GASK1A: variants seen among roughly 807,000 people sequenced by gnomAD.
GASK1A encodes Golgi-associated kinase 1A.
Under a neutral mutation model 41.2 loss-of-function variants are expected in GASK1A, and 40 were observed. The ratio of observed to expected loss-of-function variants is 0.97; its 90% CI spans 0.75 to 1.27. The LOEUF is 1.27. Ranked by LOEUF, GASK1A falls within the 50% of genes most tolerant of loss-of-function variation. GASK1A has a pLI of 0.00. For synonymous variants in GASK1A, 316 were observed against 307.1 expected (o/e 1.03, Z -0.30); for missense variants, 678 against 745.1 (o/e 0.91, Z 1.05).
chr3:43,000,864 T>G (rs2089405243), intron 1 of GASK1A, among the ~76,000 whole-genome samples: 1 of 152,214 alleles, frequency 6.6e-6, no homozygotes, highest in African/African-American at 2.4e-5. Flanking sequence ...TAATTTCTGT[T>G]GCTTGCTAGT....
chr3:43,038,686 G>T (rs1182349761), intron 2 of GASK1A, among the ~76,000 whole-genome samples: 1 of 152,088 alleles, frequency 6.6e-6, no homozygotes, highest in South Asian at 2.1e-4. Context: ...GTAGAAGCAG[G>T]TATACTTCTA....
At chr3:43,050,056 C>A (rs1462184842) in intron 2 of GASK1A, among the ~76,000 whole-genome samples, 8 of 148,378 alleles carry the variant, frequency 5.4e-5, no homozygotes, top group Non-Finnish European at 4.5e-5. Flanking sequence ...AAGTCCAGAA[C>A]AAAAAAAAAT....
chr3:42,992,630 G>T (rs551862470), intron 1 of GASK1A, among the ~76,000 whole-genome samples: 1 of 152,292 alleles, frequency 6.6e-6, no homozygotes, highest in Admixed American at 6.5e-5. Flanking sequence ...CCAAAGAGGG[G>T]CTGCCTTTGC....
At chr3:42,979,803 C>T (rs1453619670) in intron 1 of GASK1A, among the ~76,000 whole-genome samples, 158 bp downstream of exon 1, 1 of 152,182 alleles carries the variant, frequency 6.6e-6, no homozygotes, top group African/African-American at 2.4e-5. Flanking sequence ...CGGCGGCTTT[C>T]ATTTCTGCAC....
intron 4 of GASK1A, 87 bp downstream of exon 4, chr3:43,055,622 T>G (rs2089712385): frequency 1.1e-6 from 1 of 914,730 alleles, no homozygotes. Context: ...ACTGTGGCCC[T>G]GAGAAGCCCA....
At chr3:42,987,582 T>G (rs2089318528) in intron 1 of GASK1A, among the ~76,000 whole-genome samples, 1 of 126,252 alleles carries the variant, frequency 7.9e-6, no homozygotes, top group South Asian at 3.2e-4. Context: ...CTAATCATTT[T>G]AATTCTATAA....
chr3:43,021,815 C>A (rs969626925), intron 1 of GASK1A, among the ~76,000 whole-genome samples: 1 of 152,208 alleles, frequency 6.6e-6, no homozygotes, highest in African/African-American at 2.4e-5. Context: ...TAGCTACCCC[C>A]CTGTTTTCAC....
At chr3:43,044,667 G>A (rs1240599996) in intron 2 of GASK1A, among the ~76,000 whole-genome samples, 1 of 152,048 alleles carries the variant, frequency 6.6e-6, no homozygotes, top group African/African-American at 2.4e-5. Context: ...ACTAAACCGT[G>A]GCCCACAATG....
chr3:43,013,148 CAGGA>C (rs1217795433), intron 1 of GASK1A, among the ~76,000 whole-genome samples: 2 of 148,542 alleles, frequency 1.3e-5, no homozygotes, highest in Non-Finnish European at 3.0e-5. Flanking sequence ...TGTGAAGTCA[CAGGA>C]AGGGGCAGTA....
In GASK1A at chr3:42,979,487, T is replaced by G; in HGVS notation, c.-156T>G. ...CAGGGCCACTTGGCTGCAGAGAACG[T>G]GTGCACCTTCAGTCCGGGAAACCCG... is the stretch of plus-strand genomic sequence containing the variant. On this transcript the variant is annotated 5_prime_UTR_variant, in exon 1 of 5. Transcript: ENST00000430121. 1.4e-6 allele frequency: 1 copy of G among 723,640 alleles called. No individual in the cohort carries two copies. Among genetic ancestry groups the G allele is most frequent in the Non-Finnish European group, 1.9e-6 (1 of 523,512 alleles). 44.8% of individuals were successfully genotyped at this position (723,640 alleles called of 1,614,324 possible).
At chr3:43,026,144 G>C (rs1040206007) in intron 1 of GASK1A, among the ~76,000 whole-genome samples, 1 of 152,172 alleles carries the variant, frequency 6.6e-6, no homozygotes, top group Non-Finnish European at 1.5e-5. Flanking sequence ...TGGGATGGGG[G>C]CAAGTTTAGT....
chr3:42,989,205 C>T (rs542080502), intron 1 of GASK1A, among the ~76,000 whole-genome samples: 59 of 151,872 alleles, frequency 3.9e-4, no homozygotes, highest in Non-Finnish European at 6.9e-4. Flanking sequence ...GGGGAAACGT[C>T]GATAGGGGGA....
chr3:43,055,631 C>T, intron 4 of GASK1A, 96 bp downstream of exon 4: 1 of 831,394 alleles, frequency 1.2e-6, no homozygotes, highest in East Asian at 2.7e-5. Context: ...CTGAGAAGCC[C>T]ACAGTCCATC....
chr3:43,033,710 T>C (rs2089591838), intron 2 of GASK1A, among the ~76,000 whole-genome samples, 157 bp downstream of exon 2: 1 of 152,142 alleles, frequency 6.6e-6, no homozygotes, highest in Non-Finnish European at 1.5e-5. Flanking sequence ...CCTGCCTCTG[T>C]TTATTTATCC....
chr3:43,004,221 G>A (rs1381496047), intron 1 of GASK1A, among the ~76,000 whole-genome samples: 1 of 152,134 alleles, frequency 6.6e-6, no homozygotes, highest in East Asian at 1.9e-4. Flanking sequence ...AGAGATGTCT[G>A]GGTCAGGCCA....
intron 1 of GASK1A, among the ~76,000 whole-genome samples, chr3:42,985,471 G>A (rs2089303407): frequency 6.6e-6 from 1 of 151,846 alleles, no homozygotes; most frequent in South Asian, 2.1e-4. Context: ...ATTGTGTAGG[G>A]CAGAAAATAG....
chr3:42,989,446 T>A (rs1414894687), intron 1 of GASK1A, among the ~76,000 whole-genome samples: 1 of 152,198 alleles, frequency 6.6e-6, no homozygotes, highest in Non-Finnish European at 1.5e-5. Flanking sequence ...AACTTGTTCT[T>A]TTGAATATTG....
chr3:43,022,452 G>A (rs2089527030), intron 1 of GASK1A, among the ~76,000 whole-genome samples: 1 of 150,116 alleles, frequency 6.7e-6, no homozygotes, highest in African/African-American at 2.5e-5. Context: ...AATACTTTGA[G>A]AATACATATT....
chr3:43,023,384 T>C (rs1304008394), intron 1 of GASK1A, among the ~76,000 whole-genome samples: 10 of 152,210 alleles, frequency 6.6e-5, no homozygotes, highest in Non-Finnish European at 1.2e-4. Context: ...CCTCCAGAAC[T>C]GTGAGGGAAT....
Sources: gnomAD v4.1 joint callset for allele counts (sites outside exome capture counted in the v4.1 genomes callset) on GRCh38, gnomAD v4.1.1 for gene constraint, MANE v1.5 for transcripts, NCBI Gene and HGNC (gene_info 2026-07-23, HGNC 2026-07-21) for gene names.